The following NF1 variants were observed in gnomAD, a reference collection of about 807,000 sequenced individuals.
The protein encoded by NF1 is neurofibromin 1.
NF1 carries 122 observed loss-of-function variants against 325.7 expected under a neutral mutation model. That is an observed-to-expected ratio of 0.37 (90% CI 0.32 to 0.44). NF1 has a LOEUF of 0.44. Among genes scored for constraint, NF1 ranks in the 20% least tolerant of loss-of-function variants. NF1 has a pLI of 1.00. For synonymous variants in NF1, 1,091 were observed against 1,186.0 expected, an observed-to-expected ratio of 0.92 and a Z score of 1.65; for missense variants, 2,140 against 3,415.4, an observed-to-expected ratio of 0.63 and a Z score of 9.31.
At chr17:31,207,927 C>T (rs530552653) in intron 12 of NF1, among the ~76,000 whole-genome samples, 2 of 152,208 alleles carry the variant, frequency 1.3e-5, no homozygotes, top group East Asian at 1.9e-4. Context: ...ATATTCACTT[C>T]CTATTTAACT....
intron 36 of NF1, among the ~76,000 whole-genome samples, chr17:31,298,968 G>A (rs996708359): frequency 3.3e-5 from 5 of 151,970 alleles, no homozygotes; most frequent in African/African-American, 4.8e-5. Flanking sequence ...GAAAAGACAT[G>A]TTACTTCATT....
At chr17:31,248,293 T>G (rs1015505119) in intron 29 of NF1, among the ~76,000 whole-genome samples, 1 of 146,240 alleles carries the variant, frequency 6.8e-6, no homozygotes, top group African/African-American at 2.6e-5. Context: ...ACATAGAGGA[T>G]TGTGAATTGG....
chr17:31,213,249 CA>C (rs1567841171), intron 12 of NF1, among the ~76,000 whole-genome samples: 1 of 152,122 alleles, frequency 6.6e-6, no homozygotes, highest in South Asian at 2.1e-4. Flanking sequence ...GCTTTGGGGT[CA>C]GGGGGCAGTT....
intron 1 of NF1, among the ~76,000 whole-genome samples, chr17:31,108,878 G>A (rs1047877095): frequency 5.3e-5 from 8 of 152,302 alleles, no homozygotes; most frequent in African/African-American, 1.2e-4. Context: ...AGAGTAACAC[G>A]TGGTGGAGGG....
intron 36 of NF1, among the ~76,000 whole-genome samples, chr17:31,283,334 G>A (rs1299303290): frequency 6.6e-6 from 1 of 151,794 alleles, no homozygotes; most frequent in African/African-American, 2.4e-5. Flanking sequence ...GGAGAATGGC[G>A]TGAACCTGGG....
In NF1 at chr17:31,308,179, C is replaced by G. The variant is rs139593118; in HGVS notation, c.4836-17641C>G. 2.5e-3 allele frequency among the ~76,000 whole-genome samples: 376 copies of G among 151,864 alleles called. 1 individual carries two copies. The highest frequency in any genetic ancestry group is 4.4e-3 in the Non-Finnish European group (302 of 67,936). On this transcript the variant is annotated intron_variant, in intron 36 of 57. Coordinates refer to ENST00000358273, the MANE Select transcript of NF1 (RefSeq NM_001042492.3). ...TTTGGAGACAGAGTCGTTCTGTCAC[C>G]CAGGCTGGAGTGCAGTGGCATGATC...
At chr17:31,236,067 T>TTTG (rs1567852918) in intron 29 of NF1, 46 bp downstream of exon 29, 3 of 1,465,156 alleles carry the variant, frequency 2.0e-6, no homozygotes, top group African/African-American at 2.8e-5. Flanking sequence ...GTTTTTTTTT[T>TTTG]TTTGTTTGTT....
At chr17:31,232,902 C>T (rs1467967864) in intron 26 of NF1, 21 bp downstream of exon 26, 14 of 1,613,596 alleles carry the variant, frequency 8.7e-6, no homozygotes, top group Non-Finnish European at 1.1e-5. Flanking sequence ...ATGAAAGTTT[C>T]ATATAGAAAT....
chr17:31,295,789 T>G, intron 36 of NF1: 1 of 1,614,152 alleles, frequency 6.2e-7, no homozygotes, highest in South Asian at 1.1e-5. Flanking sequence ...CTGGAAGAAT[T>G]TGTGTCAAAG....
intron 47 of NF1, among the ~76,000 whole-genome samples, chr17:31,341,941 T>C (rs1388470967): frequency 6.6e-6 from 1 of 152,186 alleles, no homozygotes; most frequent in African/African-American, 2.4e-5. Flanking sequence ...TGAGATTTGC[T>C]TGAAGTGAAA....
chr17:31,212,541 C>T (rs2066746795), intron 12 of NF1, among the ~76,000 whole-genome samples: 1 of 152,126 alleles, frequency 6.6e-6, no homozygotes, highest in Non-Finnish European at 1.5e-5. Context: ...AACCTCTTCT[C>T]TACTAAAAAT....
At chr17:31,302,818 G>A (rs539645333) in intron 36 of NF1, among the ~76,000 whole-genome samples, 2 of 152,094 alleles carry the variant, frequency 1.3e-5, no homozygotes, top group African/African-American at 4.8e-5. Flanking sequence ...GCACTCCAGC[G>A]TGGGCGACAG....
chr17:31,154,732 CTTTTTTTT>C (rs71142026), intron 1 of NF1, among the ~76,000 whole-genome samples: 84 of 103,406 alleles, frequency 8.1e-4, no homozygotes, highest in Middle Eastern at 5.7e-3. Context: ...TTAGTATTTC[CTTTTTTTT>C]TTTTTTTTTT....
intron 36 of NF1, among the ~76,000 whole-genome samples, chr17:31,322,112 C>CACACACACAT (rs1555627347): frequency 6.6e-6 from 1 of 151,772 alleles, no homozygotes; most frequent in African/African-American, 2.4e-5. Context: ...CACACACACA[C>CACACACACAT]ACACACACAC....
At chr17:31,247,033 A>G (rs1486363385) in intron 29 of NF1, among the ~76,000 whole-genome samples, 1 of 152,040 alleles carries the variant, frequency 6.6e-6, no homozygotes, top group East Asian at 1.9e-4. Flanking sequence ...TGTCTCTACT[A>G]AAAATACAAA....
intron 1 of NF1, among the ~76,000 whole-genome samples, chr17:31,104,276 T>C (rs1304293133): frequency 6.6e-6 from 1 of 152,206 alleles, no homozygotes; most frequent in Non-Finnish European, 1.5e-5. Context: ...CGACATACTT[T>C]TAAGGATAAG....
At chr17:31,239,487 TA>T (rs896497550) in intron 29 of NF1, among the ~76,000 whole-genome samples, 2 of 143,808 alleles carry the variant, frequency 1.4e-5, no homozygotes, top group African/African-American at 5.4e-5. Flanking sequence ...AAAGAAAATC[TA>T]AAATGAATTA....
At chr17:31,366,220 C>T (rs1330453141) in intron 57 of NF1, among the ~76,000 whole-genome samples, 3 of 152,138 alleles carry the variant, frequency 2.0e-5, no homozygotes, top group African/African-American at 7.2e-5. Flanking sequence ...AGGCATGAGC[C>T]ACCGCACCTG....
intron 1 of NF1, among the ~76,000 whole-genome samples, chr17:31,145,187 C>T (rs1018144313): frequency 2.6e-5 from 4 of 152,110 alleles, no homozygotes; most frequent in African/African-American, 7.2e-5. Flanking sequence ...TGGGTCTTCC[C>T]GTTCTCATTC....
Sources: allele counts gnomAD v4.1 joint callset (sites outside exome capture counted in the v4.1 genomes callset), GRCh38; gene constraint gnomAD v4.1.1; transcripts MANE v1.5; gene names NCBI Gene and HGNC (gene_info 2026-07-23, HGNC 2026-07-21).